The following ACCSL variants were observed in gnomAD, a reference collection of about 807,000 sequenced individuals.
ACCSL encodes 1-aminocyclopropane-1-carboxylate synthase homolog (inactive) like.
In ACCSL, 55 loss-of-function variants were observed where a neutral mutation model predicts 61.7. The observed-to-expected ratio is 0.89, with a 90% CI of 0.72 to 1.12. The LOEUF is 1.12. Ranked by LOEUF, ACCSL falls within the 50% of genes most tolerant of loss-of-function variation. ACCSL has a pLI of 0.00. For synonymous variants in ACCSL, 258 were observed against 264.3 expected (o/e 0.98, Z 0.23); for missense variants, 632 against 698.0 (o/e 0.91, Z 1.07).
At chr11:43,986,103 G>A in the ACCSL span, among the ~76,000 whole-genome samples, 7 of 151,982 alleles carry the variant, frequency 4.6e-5, no homozygotes, top group African/African-American at 1.2e-4. Flanking sequence ...AGCCAGAGAC[G>A]TGGGTGCCAT....
At chr11:43,926,442 A>C in the ACCSL span, 1 of 449,924 alleles carries the variant, frequency 2.2e-6, no homozygotes, top group Non-Finnish European at 4.4e-6. Flanking sequence ...GGCCACTTTC[A>C]AACTCTGTAC....
At chr11:44,044,513 T>C (rs2134759917), upstream of ACCSL, among the ~76,000 whole-genome samples, 1 of 152,218 alleles carries the variant, frequency 6.6e-6, no homozygotes, top group East Asian at 1.9e-4. Flanking sequence ...CCCAAATAAC[T>C]TGCTTCCCCT....
chr11:43,967,917 A>G, the ACCSL span, among the ~76,000 whole-genome samples: 1 of 152,170 alleles, frequency 6.6e-6, no homozygotes, highest in African/African-American at 2.4e-5. Context: ...AGCCAATCAC[A>G]AAAAGGCTTC....
At chr11:43,933,214 TTC>T in the ACCSL span, 1 of 455,682 alleles carries the variant, frequency 2.2e-6, no homozygotes, top group Non-Finnish European at 4.4e-6. Context: ...GCAGCGAAAC[TTC>T]TCAGAATGCG....
chr11:44,008,972 G>A, the ACCSL span, among the ~76,000 whole-genome samples: 2 of 152,194 alleles, frequency 1.3e-5, no homozygotes, highest in African/African-American at 4.8e-5. Context: ...TTTGAGACCA[G>A]CCTGGGCAAC....
chr11:43,940,885 A>G, the ACCSL span, among the ~76,000 whole-genome samples: 1 of 151,964 alleles, frequency 6.6e-6, no homozygotes, highest in African/African-American at 2.4e-5. Context: ...TGCAGGGCAA[A>G]CCGCTGCAGT....
the ACCSL span, among the ~76,000 whole-genome samples, chr11:43,981,130 G>T: frequency 6.8e-6 from 1 of 146,942 alleles, no homozygotes; most frequent in East Asian, 2.0e-4. Context: ...AACCAGTACA[G>T]ATTGCATTAA....
the ACCSL span, among the ~76,000 whole-genome samples, chr11:44,025,941 G>A: frequency 6.6e-6 from 1 of 152,178 alleles, no homozygotes; most frequent in Admixed American, 6.5e-5. Context: ...TTGTACATGA[G>A]TAACTTTGCT....
chr11:43,986,606 GA>G, the ACCSL span, among the ~76,000 whole-genome samples: 4 of 152,120 alleles, frequency 2.6e-5, no homozygotes, highest in Admixed American at 6.5e-5. Flanking sequence ...CCTCTGCCTG[GA>G]AAAACTGTTT....
At position 44,050,075 on chromosome 11, in the gene ACCSL, T is replaced by C; in HGVS notation, c.518T>C (p.Leu173Pro). ...KDKNTLGFIN[L>P]GTSENKLCMD... is the part of the protein sequence containing the mutation. ...TTCCATCTCCAGGGTTTCATTAACCTTGGCACCAGTGAGAACAAGCTCTGC... is the reference window on the plus strand; with the variant it reads ...TTCCATCTCCAGGGTTTCATTAACCCTGGCACCAGTGAGAACAAGCTCTGC... Residue 173 changes from leucine to proline, a missense_variant, in exon 2 of 14, where the codon CTT becomes CCT. Coordinates refer to ENST00000378832, the MANE Select transcript of ACCSL (RefSeq NM_001031854.2). 1 of 1,614,216 alleles carries C rather than the reference T, an allele frequency of 6.2e-7. No homozygotes were observed. Among genetic ancestry groups the C allele is most frequent in the Non-Finnish European group, 8.5e-7 (1 of 1,180,030 alleles).
At chr11:43,943,800 A>G in the ACCSL span, 6 of 1,303,220 alleles carry the variant, frequency 4.6e-6, no homozygotes, top group Admixed American at 1.2e-4. The surrounding 1 kb of genome is among the most constrained non-coding windows in gnomAD (Gnocchi z 4.8). Context: ...GGCTGAAGGC[A>G]TTTATTTAAC....
At chr11:44,034,115 G>C in the ACCSL span, among the ~76,000 whole-genome samples, 6 of 152,068 alleles carry the variant, frequency 3.9e-5, no homozygotes, top group Non-Finnish European at 7.4e-5. Context: ...CTTTGGGGGC[G>C]TCTAATGCAA....
At chr11:44,048,914 G>A (rs1344568832) in intron 1 of ACCSL, among the ~76,000 whole-genome samples, 1 of 152,196 alleles carries the variant, frequency 6.6e-6, no homozygotes. Context: ...GCCCACTTCA[G>A]GTGGTCTGGG....
chr11:43,954,143 A>G, the ACCSL span, among the ~76,000 whole-genome samples: 1 of 152,158 alleles, frequency 6.6e-6, no homozygotes, highest in Non-Finnish European at 1.5e-5. Flanking sequence ...TTGACCTGGA[A>G]TTGTAAGTAG....
At chr11:43,943,024 G>T in the ACCSL span, 3 of 1,505,200 alleles carry the variant, frequency 2.0e-6, no homozygotes, top group Non-Finnish European at 2.7e-6. This position sits in a 1 kb window ranked among gnomAD's most constrained non-coding sequence, Gnocchi z 4.8. Flanking sequence ...AGCTGCCCAA[G>T]GGCCGGGGCC....
the ACCSL span, among the ~76,000 whole-genome samples, chr11:44,013,340 C>T: frequency 1.3e-5 from 2 of 152,256 alleles, no homozygotes; most frequent in Non-Finnish European, 2.9e-5. Context: ...AGTGCAGTGG[C>T]GCAATCTCGG....
the ACCSL span, among the ~76,000 whole-genome samples, chr11:43,973,621 A>G: frequency 2.8e-4 from 42 of 152,292 alleles, no homozygotes; most frequent in Admixed American, 5.9e-4. Flanking sequence ...GCATTAATAT[A>G]CAAGGGACCT....
the ACCSL span, among the ~76,000 whole-genome samples, chr11:43,938,995 C>T: frequency 1.3e-5 from 2 of 152,178 alleles, no homozygotes; most frequent in African/African-American, 4.8e-5. Flanking sequence ...GCTCCTTGGA[C>T]AAAACCAGTT....
the ACCSL span, among the ~76,000 whole-genome samples, chr11:44,015,207 TA>T: frequency 8.4e-4 from 128 of 152,372 alleles, no homozygotes; most frequent in East Asian, 0.023. Flanking sequence ...ATTCATGCAT[TA>T]TATCACTGCT....
Sources: gnomAD v4.1 joint callset for allele counts (sites outside exome capture counted in the v4.1 genomes callset) on GRCh38, gnomAD v4.1.1 for gene constraint, Gnocchi (gnomAD v3.1) non-coding constraint, MANE v1.5 for transcripts, NCBI Gene and HGNC (gene_info 2026-07-23, HGNC 2026-07-21) for gene names.